The following TPST1 variants were observed in gnomAD, a reference collection of about 807,000 sequenced individuals.
TPST1 encodes protein-tyrosine sulfotransferase 1.
A neutral mutation model predicts 34.8 loss-of-function variants in TPST1; 20 were observed. The ratio of observed to expected loss-of-function variants is 0.57; its 90% CI spans 0.40 to 0.84. TPST1 has a LOEUF of 0.84. TPST1 is among the 40% of genes least tolerant of loss of function. TPST1 has a pLI of 0.00. For missense variants in TPST1, 353 were observed against 455.5 expected (o/e 0.78, Z 2.05); for synonymous variants, 152 against 159.4 (o/e 0.95, Z 0.35).
chr7:66,228,953 C>T (rs992295833), intron 1 of TPST1, among the ~76,000 whole-genome samples: 1 of 152,126 alleles, frequency 6.6e-6, no homozygotes, highest in Admixed American at 6.5e-5. Context: ...ATGCACAGTT[C>T]TGTGACTTTT....
intron 1 of TPST1, among the ~76,000 whole-genome samples, chr7:66,218,724 G>A (rs1338929056): frequency 6.6e-6 from 1 of 152,104 alleles, no homozygotes; most frequent in East Asian, 1.9e-4. Flanking sequence ...GCGGGCGCCT[G>A]TAGTCCCAGC....
At chr7:66,234,434 C>CACACACACAG (rs1789868090) in intron 1 of TPST1, among the ~76,000 whole-genome samples, 1 of 140,118 alleles carries the variant, frequency 7.1e-6, no homozygotes, top group Non-Finnish European at 1.6e-5. Context: ...CACACACAGA[C>CACACACACAG]ACACACACAC....
intron 2 of TPST1, among the ~76,000 whole-genome samples, chr7:66,262,414 T>C (rs1291157856): frequency 6.6e-6 from 1 of 152,176 alleles, no homozygotes; most frequent in Admixed American, 6.5e-5. Context: ...GATAACTAAA[T>C]CCATGCCCTC....
intron 1 of TPST1, among the ~76,000 whole-genome samples, chr7:66,228,769 C>T (rs992698568): frequency 1.3e-5 from 2 of 152,024 alleles, no homozygotes; most frequent in East Asian, 1.9e-4. Context: ...TCTATCACAC[C>T]GAATCTATTA....
chr7:66,235,260 G>C (rs567865082), intron 1 of TPST1, among the ~76,000 whole-genome samples: 1 of 143,952 alleles, frequency 6.9e-6, no homozygotes, highest in Non-Finnish European at 1.5e-5. Context: ...AACTCGGCTC[G>C]CTGCAAGCTC....
intron 3 of TPST1, among the ~76,000 whole-genome samples, chr7:66,325,736 A>G (rs1287435900): frequency 1.3e-5 from 2 of 152,084 alleles, no homozygotes; most frequent in African/African-American, 4.8e-5. Context: ...CCCGGATTCA[A>G]ATGATTCTCC....
At chr7:66,293,110 G>A (rs1164858508) in intron 3 of TPST1, among the ~76,000 whole-genome samples, 1 of 152,014 alleles carries the variant, frequency 6.6e-6, no homozygotes, top group African/African-American at 2.4e-5. Flanking sequence ...GGAGGCTGTG[G>A]CAGGAGAATG....
chr7:66,309,692 C>G (rs552601260), intron 3 of TPST1, among the ~76,000 whole-genome samples: 4 of 152,264 alleles, frequency 2.6e-5, no homozygotes, highest in South Asian at 2.1e-4. Context: ...ACTGCTTGTT[C>G]CTTTTTCCCT....
intron 3 of TPST1, among the ~76,000 whole-genome samples, chr7:66,293,487 A>C (rs1469872122): frequency 6.6e-6 from 1 of 152,188 alleles, no homozygotes; most frequent in Admixed American, 6.6e-5. Context: ...TGGGTGACAG[A>C]GCAAGACCCC....
chr7:66,324,857 G>A (rs1315661462), intron 3 of TPST1, among the ~76,000 whole-genome samples: 1 of 147,506 alleles, frequency 6.8e-6, no homozygotes, highest in Admixed American at 6.9e-5. Flanking sequence ...TATCTGAAAT[G>A]TGGTTTACAT....
intron 3 of TPST1, among the ~76,000 whole-genome samples, chr7:66,348,077 A>T (rs1792392131): frequency 6.6e-6 from 1 of 152,228 alleles, no homozygotes; most frequent in Admixed American, 6.5e-5. Context: ...GCTTAGGCAA[A>T]ACACCTTGGA....
At chr7:66,333,582 T>C (rs1792037547) in intron 3 of TPST1, among the ~76,000 whole-genome samples, 1 of 152,204 alleles carries the variant, frequency 6.6e-6, no homozygotes, top group Non-Finnish European at 1.5e-5. Flanking sequence ...AGTCTTTTTT[T>C]CCCAGCTCCA....
At chr7:66,357,922 A>G (rs1465089872) in intron 5 of TPST1, among the ~76,000 whole-genome samples, 2 of 152,170 alleles carry the variant, frequency 1.3e-5, no homozygotes, top group Non-Finnish European at 2.9e-5. Flanking sequence ...CGTCTCTACT[A>G]AAAATACAAA....
chr7:66,307,675 T>A, intron 3 of TPST1, among the ~76,000 whole-genome samples: 1 of 152,208 alleles, frequency 6.6e-6, no homozygotes. Flanking sequence ...TGGCCTCTCC[T>A]GTTGGCAGGT....
At chr7:66,246,421 G>C (rs1384317069) in intron 2 of TPST1, among the ~76,000 whole-genome samples, 1 of 152,060 alleles carries the variant, frequency 6.6e-6, no homozygotes, top group Non-Finnish European at 1.5e-5. Flanking sequence ...AAGTGACAGA[G>C]TAAAATGGGC....
At chr7:66,308,415 A>C (rs1791464909) in intron 3 of TPST1, among the ~76,000 whole-genome samples, 2 of 152,160 alleles carry the variant, frequency 1.3e-5, no homozygotes, top group African/African-American at 4.8e-5. Context: ...TTTTGGTGTA[A>C]TATTTTGGTA....
At chr7:66,208,186 C>T (rs1449410433) in intron 1 of TPST1, among the ~76,000 whole-genome samples, 1 of 152,180 alleles carries the variant, frequency 6.6e-6, no homozygotes, top group African/African-American at 2.4e-5. Context: ...CCTTCCAAGC[C>T]TTCTGTAGCA....
intron 3 of TPST1, among the ~76,000 whole-genome samples, chr7:66,308,256 G>C (rs558899570): frequency 4.6e-5 from 7 of 152,264 alleles, no homozygotes; most frequent in African/African-American, 1.7e-4. Flanking sequence ...AGTTAGCATA[G>C]CTTTGCTCTA....
chr7:66,352,433 G>A, intron 3 of TPST1, 72 bp from the exon 4 acceptor site: 3 of 1,571,318 alleles, frequency 1.9e-6, no homozygotes, highest in Non-Finnish European at 2.6e-6. Context: ...CCACGGTCAG[G>A]CATGGCACAT....
Sources: gnomAD v4.1 joint callset for allele counts (sites outside exome capture counted in the v4.1 genomes callset) on GRCh38, gnomAD v4.1.1 for gene constraint, MANE v1.5 for transcripts, NCBI Gene and HGNC (gene_info 2026-07-23, HGNC 2026-07-21) for gene names.